ICA1: variants seen among roughly 807,000 people sequenced by gnomAD.
ICA1 encodes islet cell autoantigen 1, also known as 69 kDa islet cell autoantigen.
A neutral mutation model predicts 71.0 loss-of-function variants in ICA1; 40 were observed. The observed-to-expected ratio is 0.56, with a 90% CI of 0.44 to 0.73. The LOEUF is 0.73. Among genes scored for constraint, ICA1 ranks in the 30% least tolerant of loss-of-function variants. The pLI is 0.00. For synonymous variants in ICA1, 207 were observed against 209.5 expected, an observed-to-expected ratio of 0.99 and a Z score of 0.10; for missense variants, 578 against 576.5, an observed-to-expected ratio of 1.00 and a Z score of -0.03.
chr7:8,161,634 G>C (rs370054732), intron 6 of ICA1, among the ~76,000 whole-genome samples: 2 of 152,298 alleles, frequency 1.3e-5, no homozygotes, highest in East Asian at 1.9e-4. Flanking sequence ...CCAGCTGGAG[G>C]GGGGTGAGAA....
In ICA1 at chr7:8,221,677, G is replaced by A. The variant is rs141302814; in HGVS notation, c.257-279C>T. Among the ~76,000 whole-genome samples, 8 of 152,246 alleles carry A rather than the reference G, an allele frequency of 5.3e-5. No homozygotes were observed. The East Asian group carries it at 9.6e-4, about 18-fold the overall frequency. On this transcript the variant is annotated intron_variant, in intron 4 of 13. Transcript: ENST00000402384. ...TAGAAAATGACCTCTGTACTGAAAC[G>A]TAAGCCCATAGTGTGCGGCTTCGAG...
intron 8 of ICA1, among the ~76,000 whole-genome samples, chr7:8,148,601 C>A (rs1320592528): frequency 6.6e-6 from 1 of 152,062 alleles, no homozygotes; most frequent in Non-Finnish European, 1.5e-5. Context: ...TGCTTAAAGT[C>A]ACAGTTTCCC....
intron 8 of ICA1, among the ~76,000 whole-genome samples, chr7:8,150,075 T>A (rs1798292400): frequency 6.6e-6 from 1 of 152,136 alleles, no homozygotes; most frequent in Non-Finnish European, 1.5e-5. Context: ...ATAATCACAA[T>A]CATAAACAAG....
At chr7:8,195,707 C>T (rs562453022) in intron 6 of ICA1, among the ~76,000 whole-genome samples, 1 of 152,102 alleles carries the variant, frequency 6.6e-6, no homozygotes, top group African/African-American at 2.4e-5. Flanking sequence ...CGGCCGGGCA[C>T]AGTGGCTCAT....
In ICA1 at chr7:8,226,401, C is replaced by T. The variant is rs1012841744; in HGVS notation, c.256+2200G>A. On this transcript the variant is annotated intron_variant, in intron 4 of 13. Transcript: ENST00000402384. The surrounding 1 kb of genome is among the most constrained non-coding windows in gnomAD (Gnocchi z 4.4). ...TGCAATGTAAAAAAATGGTAATACA[C>T]ACACTCTCCATATATTACCTTTTTT... is the stretch of plus-strand genomic sequence containing the variant. Among the ~76,000 whole-genome samples the T allele has an allele frequency of 3.9e-5, 6 of 152,202 alleles. No homozygotes were observed. The highest frequency in any genetic ancestry group is 8.8e-5 in the Non-Finnish European group (6 of 68,014).
intron 13 of ICA1, chr7:8,116,704 GAGAACACC>G (rs1784903547): frequency 6.6e-6 from 1 of 152,134 alleles, no homozygotes; most frequent in Non-Finnish European, 1.5e-5. Context: ...GCTTAAAAAA[GAGAACACC>G]ATTAAATGAA....
intron 6 of ICA1, among the ~76,000 whole-genome samples, chr7:8,175,272 T>A (rs573939220): frequency 1.6e-4 from 24 of 151,988 alleles, no homozygotes; most frequent in African/African-American, 5.8e-4. Context: ...GAGGGAAGAA[T>A]CTGTATGTTT....
chr7:8,114,745 C>T (rs1264182820), intron 13 of ICA1: 1 of 152,266 alleles, frequency 6.6e-6, no homozygotes, highest in African/African-American at 2.4e-5. Flanking sequence ...ATGAGGAGAA[C>T]ATTTTCAAAA....
chr7:8,152,787 A>ACCTCCTCCG (rs1380236582), intron 8 of ICA1, among the ~76,000 whole-genome samples: 5 of 83,834 alleles, frequency 6.0e-5, no homozygotes, highest in Admixed American at 2.8e-4. Flanking sequence ...TATCACCATC[A>ACCTCCTCCG]CCATCACCTC....
At chr7:8,246,778 G>A (rs974198005) in intron 1 of ICA1, among the ~76,000 whole-genome samples, 4 of 152,164 alleles carry the variant, frequency 2.6e-5, no homozygotes, top group East Asian at 1.9e-4. Flanking sequence ...ACGGAGTCTC[G>A]CTCTGTCACC....
intron 6 of ICA1, among the ~76,000 whole-genome samples, chr7:8,195,870 C>T (rs184308752): frequency 1.2e-3 from 176 of 151,336 alleles, no homozygotes; most frequent in East Asian, 5.3e-3. Context: ...CCCAGCTACT[C>T]GGGAGGCTGA....
chr7:8,200,646 T>G (rs1445092708), intron 6 of ICA1, among the ~76,000 whole-genome samples: 2 of 152,150 alleles, frequency 1.3e-5, no homozygotes, highest in Non-Finnish European at 2.9e-5. Flanking sequence ...AAAAGAACAC[T>G]TGAATATAGG....
At chr7:8,131,830 A>T (rs917227721) in intron 12 of ICA1, among the ~76,000 whole-genome samples, 2 of 152,196 alleles carry the variant, frequency 1.3e-5, no homozygotes, top group Non-Finnish European at 2.9e-5. Flanking sequence ...AAAAAATTCA[A>T]CTCAACTGAG....
chr7:8,242,608 A>T (rs1221303234), intron 1 of ICA1, among the ~76,000 whole-genome samples: 1 of 152,226 alleles, frequency 6.6e-6, no homozygotes, highest in Non-Finnish European at 1.5e-5. Flanking sequence ...ACCCTTCAAA[A>T]AATCAATGAA....
chr7:8,175,321 C>T (rs577678263), intron 6 of ICA1, among the ~76,000 whole-genome samples: 1 of 152,184 alleles, frequency 6.6e-6, no homozygotes, highest in East Asian at 1.9e-4. Context: ...AGTATTTTGC[C>T]AAAAACAAGG....
chr7:8,201,327 C>G (rs3823830), intron 6 of ICA1, among the ~76,000 whole-genome samples: 25,516 of 152,160 alleles, frequency 0.17, 2,342 homozygotes, highest in Non-Finnish European at 0.21. Context: ...TCCACTTTAG[C>G]AGGTGGACTT....
At chr7:8,178,563 C>G (rs1003532712) in intron 6 of ICA1, among the ~76,000 whole-genome samples, 1 of 149,128 alleles carries the variant, frequency 6.7e-6, no homozygotes, top group African/African-American at 2.5e-5. Flanking sequence ...CATTCTGTCA[C>G]TTGGTGTGGT....
In ICA1 at chr7:8,138,858, T is replaced by G. The variant is rs771619771; in HGVS notation, c.1042A>C (p.Met348Leu). The change falls in exon 12 of 14, where the codon ATG becomes CTG. Residue 348 changes from methionine (M) to leucine (L), a missense_variant. Coordinates refer to ENST00000402384, the MANE Select transcript of ICA1 (RefSeq NM_001136020.3). ...ATCTTACCACCTTCCTCAGATTTCA[T>G]GTCTAATAGTTCATCTATGGGTCCT... is the stretch of plus-strand genomic sequence containing the variant. ...CSGPIDELLD[M>L]KSEEGACLGP... 1 of 1,605,962 alleles carries G rather than the reference T, an allele frequency of 6.2e-7. No homozygotes were observed. Among genetic ancestry groups the G allele is most frequent in the Middle Eastern group, 1.7e-4 (1 of 5,982 alleles).
At chr7:8,152,337 G>A (rs1013559709) in intron 8 of ICA1, among the ~76,000 whole-genome samples, 1 of 151,902 alleles carries the variant, frequency 6.6e-6, no homozygotes, top group Non-Finnish European at 1.5e-5. Context: ...AAACTCTCCT[G>A]TATTGATGCT....
Sources: gnomAD v4.1 joint callset for allele counts (sites outside exome capture counted in the v4.1 genomes callset) on GRCh38, gnomAD v4.1.1 for gene constraint, Gnocchi (gnomAD v3.1) non-coding constraint, MANE v1.5 for transcripts, NCBI Gene and HGNC (gene_info 2026-07-23, HGNC 2026-07-21) for gene names.